RNF144B: variants seen among roughly 807,000 people sequenced by gnomAD.
RNF144B encodes ring finger protein 144B.
Under a neutral mutation model 40.2 loss-of-function variants are expected in RNF144B, and 25 were observed. The ratio of observed to expected loss-of-function variants is 0.62; its 90% confidence interval spans 0.45 to 0.87. The LOEUF is 0.87. Ranked by LOEUF, RNF144B falls within the 40% of genes least tolerant of loss-of-function variation. The pLI is 0.00. For synonymous variants in RNF144B, 145 were observed against 136.3 expected (o/e 1.06, Z -0.44); for missense variants, 365 against 373.7 (o/e 0.98, Z 0.19).
At position 18,465,151 on chromosome 6, in the gene RNF144B, T is replaced by A; in HGVS notation, c.*84T>A. 7.0e-7 allele frequency: 1 copy of A among 1,423,124 alleles called. No homozygotes were observed. Among genetic ancestry groups the A allele is most frequent in the Non-Finnish European group, 9.6e-7 (1 of 1,038,238 alleles). The allele number at this position is 1,423,124 out of a possible 1,614,324, so 88.2% of individuals were successfully genotyped here. The stretch of plus-strand genomic sequence containing the variant: ...AGCCCCATTTAGTGACCTTGCCTCC[T>A]TCTCCTTGCCAACTTTGAAAGTGCC... On this transcript the variant is annotated 3_prime_UTR_variant, in exon 8 of 8. Coordinates refer to ENST00000259939, the MANE Select transcript of RNF144B (RefSeq NM_182757.4).
chr6:18,430,138 T>G (rs975045167), intron 3 of RNF144B, among the ~76,000 whole-genome samples: 6 of 152,228 alleles, frequency 3.9e-5, no homozygotes, highest in Non-Finnish European at 7.3e-5. Context: ...CAGTAGCCAC[T>G]AGCCACATGT....
At chr6:18,435,246 G>A (rs1446224332) in intron 3 of RNF144B, among the ~76,000 whole-genome samples, 1 of 152,112 alleles carries the variant, frequency 6.6e-6, no homozygotes, top group African/African-American at 2.4e-5. Flanking sequence ...TTAAATTAAA[G>A]ACCATTAAGT....
chr6:18,427,488 A>C, intron 2 of RNF144B, 93 bp from the exon 3 acceptor site: 1 of 765,320 alleles, frequency 1.3e-6, no homozygotes, highest in Non-Finnish European at 2.2e-6. Context: ...CAGGACAGCC[A>C]ATTAAGGAAG....
rs1419502670 is a variant in RNF144B at position 18,421,145 on chromosome 6, C to CA, written c.166-6435dup. Among the ~76,000 whole-genome samples, 14 of 151,780 alleles carry CA rather than the reference C, an allele frequency of 9.2e-5. 1 individual carries two copies. The South Asian group carries it at 1.2e-3, about 14-fold the overall frequency. On this transcript the variant is annotated intron_variant, in intron 2 of 7. Transcript: ENST00000259939. The stretch of plus-strand genomic sequence containing the variant: ...GTGCGCACCTGTGGTCCCAGCTACT[C>CA]AGAGGCTGAGGTGAGAAGATTGCTT...
In RNF144B at chr6:18,448,300, TG is replaced by T. The variant is rs1186613063; in HGVS notation, c.331+8561del. Among the ~76,000 whole-genome samples the T allele has an allele frequency of 1.3e-5, 2 of 151,724 alleles. No homozygotes were observed. Among genetic ancestry groups the T allele is most frequent in the African/African-American group, 2.4e-5 (1 of 41,302 alleles). ...GCCAGATGGAGGGATTGGATTTACT[TG>T]GGGGTAGGTTTAGGTCATCTCTATC... On this transcript the variant is annotated intron_variant, in intron 4 of 7. Transcript: ENST00000259939. This position sits in a 1 kb window ranked among gnomAD's most constrained non-coding sequence, Gnocchi z 4.0.
At position 18,422,605 on chromosome 6, in the gene RNF144B, T is replaced by C. The variant is rs891159710; in HGVS notation, c.166-4976T>C. 1.3e-5 allele frequency among the ~76,000 whole-genome samples: 2 copies of C among 152,118 alleles called. No homozygotes were observed. Among genetic ancestry groups the C allele is most frequent in the African/African-American group, 4.8e-5 (2 of 41,410 alleles). On this transcript the variant is annotated intron_variant, in intron 2 of 7. Coordinates refer to ENST00000259939, the MANE Select transcript of RNF144B (RefSeq NM_182757.4). The surrounding 1 kb of genome is among the most constrained non-coding windows in gnomAD (Gnocchi z 4.7). Reference sequence around the variant, plus strand: ...GCCAGGTGGGCTGACAAGTCCTCCTTTGACCACAGGACCCCAGCGCCTGCA... The same window carrying C: ...GCCAGGTGGGCTGACAAGTCCTCCTCTGACCACAGGACCCCAGCGCCTGCA...
At chr6:18,420,935 A>G (rs1380945731) in intron 2 of RNF144B, among the ~76,000 whole-genome samples, 2 of 152,162 alleles carry the variant, frequency 1.3e-5, no homozygotes, top group Non-Finnish European at 2.9e-5. Context: ...CACAATAATT[A>G]TACAAACTTA....
chr6:18,440,513 T>C (rs1221301766), intron 4 of RNF144B, among the ~76,000 whole-genome samples: 1 of 152,128 alleles, frequency 6.6e-6, no homozygotes, highest in Non-Finnish European at 1.5e-5. Flanking sequence ...GATTGCTAAC[T>C]TTTAAATATG....
chr6:18,449,685 A>G (rs1433780419), intron 4 of RNF144B, among the ~76,000 whole-genome samples: 1 of 143,460 alleles, frequency 7.0e-6, no homozygotes, highest in Non-Finnish European at 1.5e-5. Flanking sequence ...ACTGTCTACA[A>G]CGTGTTTTGA....
In RNF144B at chr6:18,460,438, C is replaced by A. The variant is rs1759425104; in HGVS notation, c.681+687C>A. On this transcript the variant is annotated intron_variant, in intron 6 of 7. Transcript: ENST00000259939. The surrounding 1 kb of genome is among the most constrained non-coding windows in gnomAD (Gnocchi z 4.4). ...CTTAATTTAATCACACTTGCAGAAT[C>A]CCTCTTGTCATATAGGGTAACACAT... 6.6e-6 allele frequency among the ~76,000 whole-genome samples: 1 copy of A among 152,170 alleles called. No individual in the cohort carries two copies. Among genetic ancestry groups the A allele is most frequent in the Admixed American group, 6.5e-5 (1 of 15,284 alleles).
Position 18,399,476 on chromosome 6 carries a change from T to G in RNF144B, c.-36-23T>G, listed in dbSNP as rs1794755843. On this transcript the variant is annotated intron_variant, in intron 1 of 7. Transcript: ENST00000259939. ...TAGCTTTATCAATCCATATAATATT[T>G]TCTGCTTTGGACCTTTCTATAGGGA... is the stretch of plus-strand genomic sequence containing the variant. 6 of 1,531,362 alleles carry G rather than the reference T, an allele frequency of 3.9e-6. No individual in the cohort carries two copies. The South Asian group carries it at 7.0e-5, about 18-fold the overall frequency. The allele number at this position is 1,531,362 out of a possible 1,614,324, so 94.9% of individuals were successfully genotyped here.
At position 18,405,252 on chromosome 6, in the gene RNF144B, T is replaced by C. The variant is rs1478931058; in HGVS notation, c.165+5553T>C. On this transcript the variant is annotated intron_variant, in intron 2 of 7. Transcript: ENST00000259939. This position sits in a 1 kb window ranked among gnomAD's most constrained non-coding sequence, Gnocchi z 4.5. ...GCAGTGGCACAATCTCGGCTCACTG[T>C]AACTTCCGCCTCCCGGGTTCAAGTG... 7.9e-5 allele frequency among the ~76,000 whole-genome samples: 12 copies of C among 151,866 alleles called. No individual in the cohort carries two copies. The highest frequency in any genetic ancestry group is 2.9e-4 in the African/African-American group (12 of 41,352).
rs1759193800 is a variant in RNF144B, at chr6:18,450,800, T to C, written c.332-6355T>C. On this transcript the variant is annotated intron_variant, in intron 4 of 7. Coordinates refer to ENST00000259939, the MANE Select transcript of RNF144B (RefSeq NM_182757.4). The surrounding 1 kb of genome is among the most constrained non-coding windows in gnomAD (Gnocchi z 4.7). ...TCTAATATCCAGAAAAAGTCTGTTC[T>C]CTCTTCTACAGCTTCTAAATGCTGC... Among the ~76,000 whole-genome samples, 1 of 152,248 alleles carries C rather than the reference T, an allele frequency of 6.6e-6. No homozygotes were observed. Among genetic ancestry groups the C allele is most frequent in the Admixed American group, 6.5e-5 (1 of 15,280 alleles).
At chr6:18,445,949 G>T (rs890899885) in intron 4 of RNF144B, among the ~76,000 whole-genome samples, 3 of 152,136 alleles carry the variant, frequency 2.0e-5, no homozygotes, top group African/African-American at 7.2e-5. Flanking sequence ...AATAATAAAA[G>T]GTGTTGAAAA....
rs1010452156 is a variant in RNF144B, at chr6:18,416,472, T to C, written c.166-11109T>C. On this transcript the variant is annotated intron_variant, in intron 2 of 7. Transcript: ENST00000259939. This position sits in a 1 kb window ranked among gnomAD's most constrained non-coding sequence, Gnocchi z 5.5. Reference sequence around the variant, plus strand: ...CTGTCATAGAGTTTCTTAATTTAGATATTTCATGATCATTTGAGATAAAGA... The same window carrying C: ...CTGTCATAGAGTTTCTTAATTTAGACATTTCATGATCATTTGAGATAAAGA... Among the ~76,000 whole-genome samples the C allele has an allele frequency of 4.6e-5, 7 of 152,220 alleles. No individual in the cohort carries two copies. Among genetic ancestry groups the C allele is most frequent in the South Asian group, 2.1e-4 (1 of 4,832 alleles).
chr6:18,463,376 C>T lies in RNF144B; in HGVS notation c.767C>T (p.Thr256Ile). The T allele has an allele frequency of 1.3e-6, 2 of 1,595,060 alleles. No individual in the cohort carries two copies. Among genetic ancestry groups the T allele is most frequent in the Non-Finnish European group, 1.7e-6 (2 of 1,162,656 alleles). The change falls in exon 7 of 8, where the codon ACA (threonine) becomes ATA (isoleucine). Residue 256 changes from threonine (T) to isoleucine (I), a missense_variant. Physicochemically the swap from Thr to Ile is moderately conservative, Grantham distance 89. Coordinates refer to ENST00000259939, the MANE Select transcript of RNF144B (RefSeq NM_182757.4). Reference sequence around the variant, plus strand: ...AGAGCATCAGTGATGTGGAACCGAACACAGGTACCCTGACCTTATAGGGAG... The same window carrying T: ...AGAGCATCAGTGATGTGGAACCGAATACAGGTACCCTGACCTTATAGGGAG... ...HSRASVMWNR[T>I]QVVGILVGLG...
intron 3 of RNF144B, among the ~76,000 whole-genome samples, chr6:18,430,544 G>C (rs1285025330): frequency 6.6e-6 from 1 of 151,846 alleles, no homozygotes; most frequent in Non-Finnish European, 1.5e-5. Flanking sequence ...GCCCATGCTG[G>C]AGTACAGTGG....
intron 4 of RNF144B, 65 bp downstream of exon 4, chr6:18,439,809 C>T: frequency 7.3e-6 from 8 of 1,098,460 alleles, no homozygotes; most frequent in Admixed American, 3.4e-5. Flanking sequence ...TTACACTAAC[C>T]CACATGGAAG....
chr6:18,457,039 C>T lies in RNF144B; in HGVS notation c.332-116C>T, dbSNP rs571029508. On this transcript the variant is annotated intron_variant, in intron 4 of 7. Transcript: ENST00000259939. This position sits in a 1 kb window ranked among gnomAD's most constrained non-coding sequence, Gnocchi z 5.1. ...TCATGCCACTGTACTCCAGCCTGGG[C>T]GACAGAGTGAGACTCTGGTTCCAAA... The T allele has an allele frequency of 4.0e-5, 35 of 876,344 alleles. No homozygotes were observed. In the East Asian group the frequency reaches 4.1e-4, roughly 10 times the overall value. The allele number at this position is 876,344 out of a possible 1,614,324, so 54.3% of individuals were successfully genotyped here. A position where few individuals can be genotyped will look rare whatever the true frequency, so the allele number is the denominator to read the frequency against.
Sources: gnomAD v4.1 joint callset for allele counts (sites outside exome capture counted in the v4.1 genomes callset) on GRCh38, gnomAD v4.1.1 for gene constraint, Gnocchi (gnomAD v3.1) non-coding constraint, MANE v1.5 for transcripts, NCBI Gene and HGNC (gene_info 2026-07-23, HGNC 2026-07-21) for gene names.